Variants in KANSL2 observed in about 807,000 individuals in gnomAD.
KANSL2 encodes KAT8 regulatory NSL complex subunit 2.
In KANSL2, 34 loss-of-function variants were observed where a neutral mutation model predicts 55.6. The observed-to-expected ratio is 0.61, with a 90% CI of 0.46 to 0.81. The LOEUF (loss-of-function observed/expected upper bound fraction) is 0.81, where lower values mean the gene tolerates loss of function less well. KANSL2 is among the 40% of genes least tolerant of loss of function. The pLI is 0.00. For synonymous variants in KANSL2, 209 were observed against 214.3 expected (o/e 0.98, Z 0.22); for missense variants, 502 against 609.9 (o/e 0.82, Z 1.86).
chr12:48,679,260 C>CA (rs368603509), intron 3 of KANSL2, 110 bp from the exon 4 acceptor site: 25,204 of 479,584 alleles, frequency 0.053, 47 homozygotes, highest in African/African-American at 0.073. Context: ...AAAAACAAAA[C>CA]AAAAAAAAAA....
chr12:48,669,684 AT>A (rs1050487184), intron 5 of KANSL2, among the ~76,000 whole-genome samples: 10 of 148,490 alleles, frequency 6.7e-5, no homozygotes, highest in East Asian at 2.0e-4. Flanking sequence ...CGCCCGGCTA[AT>A]TTTTTTTTTG....
intron 8 of KANSL2, chr12:48,656,525 G>A (rs566032339): frequency 7.6e-5 from 25 of 328,436 alleles, no homozygotes; most frequent in African/African-American, 4.7e-4. Context: ...GCCCACCTCA[G>A]CCTCCCAAAG....
chr12:48,681,502 T>C lies in KANSL2; in HGVS notation c.131A>G (p.Glu44Gly). The C allele has an allele frequency of 1.2e-6, 2 of 1,613,926 alleles. No individual in the cohort carries two copies. The highest frequency in any genetic ancestry group is 1.7e-6 in the Non-Finnish European group (2 of 1,179,894). ...PCSHPRLEGQEFCIKHILEDK... is the reference protein window; with the variant it reads ...PCSHPRLEGQGFCIKHILEDK... ...TTCAAGGATATGCTTAATGCAAAACTCCTGCCCCTCCAGACGAGGGTGAGA... is the reference window on the plus strand; with the variant it reads ...TTCAAGGATATGCTTAATGCAAAACCCCTGCCCCTCCAGACGAGGGTGAGA... Residue 44 changes from glutamate to glycine, a missense_variant, in exon 2 of 10, where the codon GAG (glutamate) becomes GGG (glycine). Coordinates refer to ENST00000420613, the MANE Select transcript of KANSL2 (RefSeq NM_017822.4).
chr12:48,656,158 G>A (rs1365920301), intron 8 of KANSL2, among the ~76,000 whole-genome samples: 1 of 152,134 alleles, frequency 6.6e-6, no homozygotes, highest in Non-Finnish European at 1.5e-5. Context: ...AAGGGAAAGG[G>A]AGAAGGTAGG....
In KANSL2 at chr12:48,671,842, C is replaced by T; in HGVS notation, c.666G>A (p.Lys222=). ...CTTTGCGATTATGTAAGTATCGGCGCTTCTTCTCCTTGAGCAGATGCTGAA... is the reference window on the plus strand; with the variant it reads ...CTTTGCGATTATGTAAGTATCGGCGTTTCTTCTCCTTGAGCAGATGCTGAA... ...KRLQHLLKEK[K]RRYLHNRKVE... The change falls in exon 5 of 10, where the codon AAG becomes AAA. Residue 222 remains lysine, a synonymous_variant. Transcript: ENST00000420613. 6.2e-7 allele frequency: 1 copy of T among 1,613,046 alleles called. No homozygotes were observed. The highest frequency in any genetic ancestry group is 8.5e-7 in the Non-Finnish European group (1 of 1,179,396).
At chr12:48,670,058 G>C (rs997477704) in intron 5 of KANSL2, among the ~76,000 whole-genome samples, 1 of 152,050 alleles carries the variant, frequency 6.6e-6, no homozygotes, top group East Asian at 2.0e-4. Flanking sequence ...AAAATTAGCT[G>C]GGCGTGGTGG....
chr12:48,671,727 T>C (rs922984302), intron 5 of KANSL2, 72 bp downstream of exon 5: 42 of 1,413,710 alleles, frequency 3.0e-5, no homozygotes, highest in Non-Finnish European at 4.0e-5. Context: ...CATCATTAAG[T>C]GACACATGAC....
At chr12:48,682,061 G>A in intron 1 of KANSL2, 126 bp downstream of exon 1, 1 of 703,038 alleles carries the variant, frequency 1.4e-6, no homozygotes, top group South Asian at 1.5e-5. Flanking sequence ...CTGGCTCCTG[G>A]AAGCCTGCAG....
chr12:48,671,774 T>C (rs1290589093), intron 5 of KANSL2, 25 bp downstream of exon 5: 14 of 1,591,810 alleles, frequency 8.8e-6, no homozygotes, highest in Non-Finnish European at 1.2e-5. Context: ...CCACAACAGC[T>C]TGTTGGAACT....
At chr12:48,662,163 G>A (rs570907416) in intron 7 of KANSL2, among the ~76,000 whole-genome samples, 6 of 152,302 alleles carry the variant, frequency 3.9e-5, no homozygotes, top group African/African-American at 1.2e-4. Flanking sequence ...AGAATGCAGT[G>A]GCGTGATCTC....
chr12:48,660,117 C>T (rs1470531262), intron 8 of KANSL2, among the ~76,000 whole-genome samples: 1 of 152,072 alleles, frequency 6.6e-6, no homozygotes, highest in Admixed American at 6.5e-5. Context: ...CAATTATACA[C>T]TTTCAAAGAG....
intron 8 of KANSL2, among the ~76,000 whole-genome samples, chr12:48,655,397 C>T (rs1052447856): frequency 3.3e-5 from 5 of 151,936 alleles, no homozygotes; most frequent in South Asian, 2.1e-4. Context: ...GGTGAAACCC[C>T]GTCTCTACAA....
intron 8 of KANSL2, among the ~76,000 whole-genome samples, chr12:48,659,058 C>A (rs1209482999): frequency 6.6e-6 from 1 of 152,104 alleles, no homozygotes; most frequent in Non-Finnish European, 1.5e-5. Flanking sequence ...CTTTGGGAGG[C>A]CAAGGTGGGT....
Position 48,660,451 on chromosome 12 carries a change from T to C in KANSL2, c.1142A>G (p.Asp381Gly), listed in dbSNP as rs1939466268. Reference sequence around the variant, plus strand: ...ATCCATGGGGCCGGCTTCCAGATCGTCTGGCACAGACAGTACCTGCTCGGG... The same window carrying C: ...ATCCATGGGGCCGGCTTCCAGATCGCCTGGCACAGACAGTACCTGCTCGGG... Reference protein sequence around the residue: ...YKPEQVLSVPDDLEAGPMDLY... With the variant: ...YKPEQVLSVPGDLEAGPMDLY... Residue 381 changes from aspartate to glycine, a missense_variant, in exon 8 of 10, where the codon GAC (aspartate) becomes GGC (glycine). Asp to Gly is a moderately conservative substitution (Grantham distance 94). Coordinates refer to ENST00000420613, the MANE Select transcript of KANSL2 (RefSeq NM_017822.4). 6.2e-7 allele frequency: 1 copy of C among 1,613,822 alleles called. No individual in the cohort carries two copies. The highest frequency in any genetic ancestry group is 1.1e-5 in the South Asian group (1 of 91,070).
chr12:48,676,658 CA>C (rs112536751), intron 4 of KANSL2, among the ~76,000 whole-genome samples: 334 of 143,346 alleles, frequency 2.3e-3, no homozygotes, highest in Middle Eastern at 0.014. Flanking sequence ...AACTTCGTGT[CA>C]AAAAAAAAAA....
At chr12:48,654,344 C>T in intron 9 of KANSL2, 169 bp from the exon 10 acceptor site, 1 of 845,090 alleles carries the variant, frequency 1.2e-6, no homozygotes, top group Non-Finnish European at 2.1e-6. Context: ...TTGGAAGAGC[C>T]TATTCCTGAG....
intron 2 of KANSL2, among the ~76,000 whole-genome samples, chr12:48,681,006 C>T (rs749024900): frequency 7.0e-6 from 1 of 142,978 alleles, no homozygotes; most frequent in Non-Finnish European, 1.5e-5. Flanking sequence ...TAGGGCCGGG[C>T]GCGGTCGCTC....
At chr12:48,677,358 T>C (rs950713609) in intron 4 of KANSL2, among the ~76,000 whole-genome samples, 2 of 152,206 alleles carry the variant, frequency 1.3e-5, no homozygotes, top group African/African-American at 2.4e-5. Flanking sequence ...CACTCTAGAT[T>C]ACTAACAAAA....
intron 4 of KANSL2, among the ~76,000 whole-genome samples, chr12:48,676,593 G>A (rs181524545): frequency 5.6e-4 from 86 of 152,222 alleles, no homozygotes; most frequent in African/African-American, 2.0e-3. Flanking sequence ...GGGAGGCGGA[G>A]GTTGCAGTGA....
Sources: allele counts gnomAD v4.1 joint callset (sites outside exome capture counted in the v4.1 genomes callset), GRCh38; gene constraint gnomAD v4.1.1; transcripts MANE v1.5; gene names NCBI Gene and HGNC (gene_info 2026-07-23, HGNC 2026-07-21).